Variants in KCNG2 observed in about 807,000 individuals in gnomAD.
KCNG2 encodes voltage-gated potassium channel regulatory subunit KCNG2.
Under a neutral mutation model 12.3 loss-of-function variants are expected in KCNG2, and 7 were observed. The observed-to-expected ratio is 0.57, with a 90% CI of 0.32 to 1.07. KCNG2 has a LOEUF of 1.07. Among genes scored for constraint, KCNG2 ranks in the 50% least tolerant of loss-of-function variants. The pLI, the probability that KCNG2 is intolerant of heterozygous loss-of-function variation, is 0.04. For synonymous variants in KCNG2, 414 were observed against 351.4 expected, an observed-to-expected ratio of 1.18 and a Z score of -1.99; for missense variants, 703 against 726.0, an observed-to-expected ratio of 0.97 and a Z score of 0.36.
chr18:79,898,266 C>G (rs1469531052), intron 3 of KCNG2, among the ~76,000 whole-genome samples: 9 of 152,178 alleles, frequency 5.9e-5, no homozygotes, highest in Admixed American at 1.3e-4. Context: ...GGGACAGCTG[C>G]GAGCCTCAGT....
intron 1 of KCNG2, among the ~76,000 whole-genome samples, chr18:79,825,915 G>T (rs1032581702): frequency 6.6e-6 from 1 of 152,240 alleles, no homozygotes; most frequent in African/African-American, 2.4e-5. Context: ...GCCCATGGAC[G>T]GCAGGTGGGA....
intron 1 of KCNG2, among the ~76,000 whole-genome samples, chr18:79,818,629 A>G (rs1285448007): frequency 1.3e-5 from 2 of 152,204 alleles, no homozygotes; most frequent in African/African-American, 4.8e-5. Context: ...TCCCGCCAGC[A>G]TCTCCGATGC....
chr18:79,845,403 G>A (rs985929617), intron 1 of KCNG2, among the ~76,000 whole-genome samples: 2 of 152,168 alleles, frequency 1.3e-5, no homozygotes, highest in African/African-American at 2.4e-5. Flanking sequence ...AGGCTACCAC[G>A]GGGAAAACTG....
In KCNG2 at chr18:79,800,529, C is replaced by T. The variant is rs1166662314; in HGVS notation, c.-115+2515C>T. ...GAGGCTTGGGAGGCAGGATCTCGGC[C>T]CCCTAAACCGGCTGAATCAGAGCCT... On this transcript the variant is annotated intron_variant, in intron 1 of 3. Coordinates refer to ENST00000316249, the MANE Select transcript of KCNG2 (RefSeq NM_012283.2). This position sits in a 1 kb window ranked among gnomAD's most constrained non-coding sequence, Gnocchi z 4.0. Among the ~76,000 whole-genome samples the T allele has an allele frequency of 6.6e-6, 1 of 152,162 alleles. No individual in the cohort carries two copies. The highest frequency in any genetic ancestry group is 6.5e-5 in the Admixed American group (1 of 15,282).
chr18:79,885,547 T>A (rs1459681206), intron 3 of KCNG2, among the ~76,000 whole-genome samples: 1 of 152,160 alleles, frequency 6.6e-6, no homozygotes, highest in Non-Finnish European at 1.5e-5. Flanking sequence ...GAACACACAC[T>A]CAGCCCGGGC....
intron 1 of KCNG2, among the ~76,000 whole-genome samples, chr18:79,855,297 A>G (rs1978970942): frequency 6.6e-6 from 1 of 151,362 alleles, no homozygotes; most frequent in Non-Finnish European, 1.5e-5. Flanking sequence ...TGGGCTGCAA[A>G]CTTCTTTGCT....
intron 1 of KCNG2, among the ~76,000 whole-genome samples, chr18:79,855,989 GT>G (rs988520657): frequency 9.9e-5 from 15 of 152,040 alleles, no homozygotes; most frequent in African/African-American, 3.6e-4. Context: ...TTTTTCTGAC[GT>G]TTTGCAGAGA....
chr18:79,857,051 GC>G (rs1444656157), intron 2 of KCNG2, among the ~76,000 whole-genome samples: 5 of 44,246 alleles, frequency 1.1e-4, no homozygotes, highest in Admixed American at 3.1e-4. Context: ...CTCTCTGCCT[GC>G]CCCCCACAGC....
chr18:79,840,506 T>G (rs1978425536), intron 1 of KCNG2, among the ~76,000 whole-genome samples: 2 of 152,156 alleles, frequency 1.3e-5, no homozygotes, highest in South Asian at 4.1e-4. Context: ...TGGAATTAGC[T>G]TATTAAAAAT....
intron 1 of KCNG2, among the ~76,000 whole-genome samples, chr18:79,824,565 T>C (rs1424286346): frequency 1.3e-5 from 2 of 152,230 alleles, no homozygotes; most frequent in Admixed American, 6.5e-5. Context: ...TCAGAGGTAG[T>C]GGGTATCCTT....
rs1326757554 is a variant in KCNG2 at position 79,899,592 on chromosome 18, G to A, written c.1177G>A (p.Gly393Ser). 3 of 1,599,900 alleles carry A rather than the reference G, an allele frequency of 1.9e-6. No homozygotes were observed. The highest frequency in any genetic ancestry group is 3.4e-5 in the Admixed American group (2 of 58,758). The change falls in exon 4 of 4, where the codon GGC becomes AGC. Residue 393 changes from glycine (G) to serine (S), a missense_variant. Physicochemically the swap from Gly to Ser is moderately conservative, Grantham distance 56 (BLOSUM62 0). Transcript: ENST00000316249. ...QVVALSSILS[G>S]ILLMAFPVTS... is the part of the protein sequence containing the mutation. ...GGTGGCGCTCAGCAGCATCCTCAGC[G>A]GCATCCTGCTCATGGCCTTCCCGGT...
At position 79,900,010 on chromosome 18, in the gene KCNG2, G is replaced by GTCAC. The variant is rs759501570; in HGVS notation, c.*196_*199dup. 59 of 404,012 alleles carry GTCAC rather than the reference G, an allele frequency of 1.5e-4. No homozygotes were observed. Among genetic ancestry groups the GTCAC allele is most frequent in the Non-Finnish European group, 2.4e-4 (56 of 237,714 alleles). The allele number at this position is 404,012 out of a possible 1,614,324, so 25.0% of individuals were successfully genotyped here. The stretch of plus-strand genomic sequence containing the variant: ...ACTCCCCGTGGCAGCGCTGGGCAAA[G>GTCAC]TCACTGGCCTTTGTCCTCCTGCCCC... On this transcript the variant is annotated 3_prime_UTR_variant, in exon 4 of 4. Transcript: ENST00000316249.
At chr18:79,877,595 G>A (rs1980126964) in intron 3 of KCNG2, among the ~76,000 whole-genome samples, 2 of 151,922 alleles carry the variant, frequency 1.3e-5, no homozygotes, top group East Asian at 3.9e-4. Context: ...GAGAGTCACG[G>A]CACTCAGAAT....
chr18:79,838,580 T>G (rs1978371179), intron 1 of KCNG2, among the ~76,000 whole-genome samples: 1 of 152,116 alleles, frequency 6.6e-6, no homozygotes, highest in Admixed American at 6.6e-5. Flanking sequence ...CCAGCTAATT[T>G]TTAAATTTTT....
intron 1 of KCNG2, among the ~76,000 whole-genome samples, chr18:79,852,493 C>G (rs1200744023): frequency 6.6e-6 from 1 of 152,278 alleles, no homozygotes; most frequent in Non-Finnish European, 1.5e-5. Context: ...GAAGCGTTCC[C>G]TTAGCTCTCA....
intron 1 of KCNG2, among the ~76,000 whole-genome samples, chr18:79,852,422 G>A (rs1227939826): frequency 6.6e-6 from 1 of 152,264 alleles, no homozygotes; most frequent in Non-Finnish European, 1.5e-5. Flanking sequence ...AAGAGCCCGT[G>A]CACGGTCAGA....
intron 3 of KCNG2, among the ~76,000 whole-genome samples, chr18:79,883,988 C>A (rs1980419301): frequency 6.6e-6 from 1 of 152,064 alleles, no homozygotes; most frequent in Admixed American, 6.5e-5. Flanking sequence ...GGGTGGGGAC[C>A]GTCCCCCGCC....
chr18:79,888,679 C>T (rs1980638707), intron 3 of KCNG2, among the ~76,000 whole-genome samples: 1 of 152,132 alleles, frequency 6.6e-6, no homozygotes, highest in Admixed American at 6.5e-5. Flanking sequence ...TGAGGAATGC[C>T]TCTTCAGACC....
At chr18:79,838,282 T>A (rs938533859) in intron 1 of KCNG2, among the ~76,000 whole-genome samples, 1 of 152,238 alleles carries the variant, frequency 6.6e-6, no homozygotes, top group African/African-American at 2.4e-5. Context: ...TTAAAAGAAC[T>A]GAAATCATAT....
Sources: gnomAD v4.1 joint callset for allele counts (sites outside exome capture counted in the v4.1 genomes callset) on GRCh38, gnomAD v4.1.1 for gene constraint, Gnocchi (gnomAD v3.1) non-coding constraint, MANE v1.5 for transcripts, NCBI Gene and HGNC (gene_info 2026-07-23, HGNC 2026-07-21) for gene names.